Variants in ZCWPW2 observed in about 807,000 individuals in gnomAD.
The protein encoded by ZCWPW2 is zinc finger CW-type and PWWP domain containing 2.
In ZCWPW2, 45 loss-of-function variants were observed where a neutral mutation model predicts 46.6. That is an observed-to-expected ratio of 0.96 (90% CI 0.76 to 1.24). ZCWPW2 has a LOEUF of 1.24. Ranked by LOEUF, ZCWPW2 falls within the 50% of genes most tolerant of loss-of-function variation. The probability of loss-of-function intolerance (pLI) is 0.00; values close to 1 mark genes in which losing one functional copy is unlikely to be tolerated. For synonymous variants in ZCWPW2, 152 were observed against 137.1 expected (o/e 1.11, Z -0.76); for missense variants, 429 against 403.9 (o/e 1.06, Z -0.53).
intron 3 of ZCWPW2, among the ~76,000 whole-genome samples, chr3:28,413,631 T>A (rs1696500178): frequency 6.6e-6 from 1 of 152,178 alleles, no homozygotes; most frequent in Non-Finnish European, 1.5e-5. Context: ...GCTATAAATT[T>A]TTCTCCAAGT....
At chr3:28,504,585 C>T (rs1296961742) in intron 6 of ZCWPW2, among the ~76,000 whole-genome samples, 2 of 152,166 alleles carry the variant, frequency 1.3e-5, no homozygotes, top group African/African-American at 4.8e-5. Context: ...TGAATATTCT[C>T]TGCATCAGCT....
chr3:28,349,818 G>C (rs1481258760), intron 1 of ZCWPW2, among the ~76,000 whole-genome samples: 1 of 152,178 alleles, frequency 6.6e-6, no homozygotes, highest in African/African-American at 2.4e-5. Flanking sequence ...CCTTAAAGTA[G>C]TATTTTGTCA....
In ZCWPW2 at chr3:28,397,626, C is replaced by T. The variant is rs369000943; in HGVS notation, c.-14+7009C>T. 2.6e-4 allele frequency among the ~76,000 whole-genome samples: 39 copies of T among 152,284 alleles called. No individual in the cohort carries two copies. The South Asian group carries it at 7.5e-3, about 29-fold the overall frequency. ...CAGAGGTTTCGGTGAGCCAAGATAG[C>T]ATCACTGCACTCCAGCCTGGGTGAC... On this transcript the variant is annotated intron_variant, in intron 2 of 9. Coordinates refer to ENST00000383768, the MANE Select transcript of ZCWPW2 (RefSeq NM_001040432.4).
At chr3:28,414,632 G>A (rs1425288961) in intron 3 of ZCWPW2, among the ~76,000 whole-genome samples, 2 of 119,338 alleles carry the variant, frequency 1.7e-5, no homozygotes, top group African/African-American at 6.5e-5. Context: ...AACAGTCCCC[G>A]GTGTGTGATG....
chr3:28,358,826 A>T (rs546609251), intron 1 of ZCWPW2, among the ~76,000 whole-genome samples: 1 of 151,926 alleles, frequency 6.6e-6, no homozygotes, highest in Admixed American at 6.6e-5. Flanking sequence ...AGGAATTTAT[A>T]TCTCATTTTA....
chr3:28,423,118 T>C (rs1448335896), intron 3 of ZCWPW2, among the ~76,000 whole-genome samples: 1 of 152,152 alleles, frequency 6.6e-6, no homozygotes, highest in Non-Finnish European at 1.5e-5. Flanking sequence ...TTATCAGATA[T>C]ATGTTTTGCA....
chr3:28,446,246 C>A (rs577484879), intron 4 of ZCWPW2, among the ~76,000 whole-genome samples: 1 of 152,116 alleles, frequency 6.6e-6, no homozygotes, highest in Non-Finnish European at 1.5e-5. Flanking sequence ...TCACATGGGA[C>A]ATTTTCTACA....
At chr3:28,458,211 C>T (rs984112667) in intron 4 of ZCWPW2, among the ~76,000 whole-genome samples, 1 of 152,150 alleles carries the variant, frequency 6.6e-6, no homozygotes, top group African/African-American at 2.4e-5. Flanking sequence ...TCTATGTAAA[C>T]TTATGCAAGT....
chr3:28,429,869 G>T (rs1575123583), intron 3 of ZCWPW2, among the ~76,000 whole-genome samples: 1 of 152,298 alleles, frequency 6.6e-6, no homozygotes, highest in African/African-American at 2.4e-5. Context: ...CAGGTACATA[G>T]AAATAAAGAA....
chr3:28,452,249 C>T (rs539497442), intron 4 of ZCWPW2, among the ~76,000 whole-genome samples: 17 of 152,234 alleles, frequency 1.1e-4, no homozygotes, highest in African/African-American at 3.6e-4. Flanking sequence ...AGTCACTTAA[C>T]TTTTCAAATC....
intron 5 of ZCWPW2, among the ~76,000 whole-genome samples, chr3:28,488,923 A>G (rs1209808573): frequency 6.6e-6 from 1 of 152,214 alleles, no homozygotes; most frequent in Non-Finnish European, 1.5e-5. Context: ...TACTGTTATT[A>G]TTAGTAAAGA....
intron 6 of ZCWPW2, among the ~76,000 whole-genome samples, chr3:28,500,274 A>G (rs1700107291): frequency 6.6e-6 from 1 of 152,122 alleles, no homozygotes; most frequent in African/African-American, 2.4e-5. Context: ...AAAGAAATCT[A>G]TATACTAATT....
At chr3:28,476,992 A>G (rs1699258309) in intron 4 of ZCWPW2, among the ~76,000 whole-genome samples, 1 of 152,108 alleles carries the variant, frequency 6.6e-6, no homozygotes, top group South Asian at 2.1e-4. Flanking sequence ...CCAGTTCCTA[A>G]CCGGTCATGG....
intron 4 of ZCWPW2, among the ~76,000 whole-genome samples, chr3:28,445,217 T>A (rs1416979796): frequency 6.6e-6 from 1 of 151,072 alleles, no homozygotes; most frequent in Non-Finnish European, 1.5e-5. Flanking sequence ...GTTTATTAAG[T>A]ATTAACTCAC....
At chr3:28,372,730 G>C (rs1033700447) in intron 1 of ZCWPW2, among the ~76,000 whole-genome samples, 3 of 152,056 alleles carry the variant, frequency 2.0e-5, no homozygotes, top group Non-Finnish European at 4.4e-5. Flanking sequence ...CATGAATAAT[G>C]AACATTGTAT....
In ZCWPW2 at chr3:28,365,860, C is replaced by T. The variant is rs1477894061; in HGVS notation, c.-134+16657C>T. Among the ~76,000 whole-genome samples, 3 of 141,210 alleles carry T rather than the reference C, an allele frequency of 2.1e-5. 1 individual carries two copies. Among genetic ancestry groups the T allele is most frequent in the East Asian group, 3.9e-4 (2 of 5,116 alleles). The allele number at this position is 141,210 out of a possible 152,430, so 92.6% of individuals were successfully genotyped here. On this transcript the variant is annotated intron_variant, in intron 1 of 9. Coordinates refer to ENST00000383768, the MANE Select transcript of ZCWPW2 (RefSeq NM_001040432.4). ...TGTAGTTTTCCTTGAAGAGGTCCTT[C>T]ATCTCCCGTGTAAGTTGGATTCCTA...
At chr3:28,392,750 A>T (rs1336349599) in intron 2 of ZCWPW2, among the ~76,000 whole-genome samples, 1 of 152,158 alleles carries the variant, frequency 6.6e-6, no homozygotes, top group African/African-American at 2.4e-5. Flanking sequence ...ATGAAAAAAA[A>T]ATATTTTGAG....
At chr3:28,452,514 T>C (rs916796117) in intron 4 of ZCWPW2, among the ~76,000 whole-genome samples, 1 of 152,166 alleles carries the variant, frequency 6.6e-6, no homozygotes, top group Admixed American at 6.5e-5. Flanking sequence ...CAGGCTGGTC[T>C]TGAACTCCTG....
Position 28,504,917 on chromosome 3 carries a change from TA to T in ZCWPW2, c.658-9146del, listed in dbSNP as rs1446724347. Among the ~76,000 whole-genome samples, 4 of 152,164 alleles carry T rather than the reference TA, an allele frequency of 2.6e-5. No individual in the cohort carries two copies. The East Asian group carries it at 7.7e-4, about 29-fold the overall frequency. Reference sequence around the variant, plus strand: ...TAATTATAAGTGAAATCTGTTCTATTACAAAAAGAAATACCTGGATTTTCAT... The same window carrying T: ...TAATTATAAGTGAAATCTGTTCTATTCAAAAAGAAATACCTGGATTTTCAT... On this transcript the variant is annotated intron_variant, in intron 6 of 9. Coordinates refer to ENST00000383768, the MANE Select transcript of ZCWPW2 (RefSeq NM_001040432.4).
Sources: allele counts gnomAD v4.1 joint callset (sites outside exome capture counted in the v4.1 genomes callset), GRCh38; gene constraint gnomAD v4.1.1; transcripts MANE v1.5; gene names NCBI Gene and HGNC (gene_info 2026-07-23, HGNC 2026-07-21).